CNTRL: variants seen among roughly 807,000 people sequenced by gnomAD.
CNTRL encodes centriolin.
A neutral mutation model predicts 303.7 loss-of-function variants in CNTRL; 233 were observed. The ratio of observed to expected loss-of-function variants is 0.77; its 90% confidence interval spans 0.69 to 0.86. CNTRL has a LOEUF of 0.86. Ranked by LOEUF, CNTRL falls within the 40% of genes least tolerant of loss-of-function variation. CNTRL has a pLI of 0.00. For missense variants in CNTRL, 2,524 were observed against 2,650.6 expected (o/e 0.95, Z 1.05); for synonymous variants, 900 against 922.2 (o/e 0.98, Z 0.44).
At chr9:121,122,260 T>C (rs1213956640) in intron 12 of CNTRL, 1 of 300,474 alleles carries the variant, frequency 3.3e-6, no homozygotes, top group African/African-American at 2.3e-5. Context: ...AGCTGTTATA[T>C]GTAGTTAACT....
rs149008787 is a variant in CNTRL at position 121,119,161 on chromosome 9, G to C, written c.1650+621G>C. On this transcript the variant is annotated intron_variant, in intron 12 of 43. Coordinates refer to ENST00000373855, the MANE Select transcript of CNTRL (RefSeq NM_007018.6). Reference sequence around the variant, plus strand: ...TCTAAAACAAAACAACCTAGGGCTTGAAGAAGGTAGCTTTCAGTAAATGAT... The same window carrying C: ...TCTAAAACAAAACAACCTAGGGCTTCAAGAAGGTAGCTTTCAGTAAATGAT... 1.4e-3 allele frequency among the ~76,000 whole-genome samples: 210 copies of C among 151,928 alleles called. 2 individuals carry two copies. Among genetic ancestry groups the C allele is most frequent in the African/African-American group, 4.7e-3 (193 of 41,440 alleles).
rs989599214 is a variant in CNTRL at position 121,155,086 on chromosome 9, A to G, written c.4365+173A>G. The G allele has an allele frequency of 5.4e-5, 33 of 608,746 alleles. No individual in the cohort carries two copies. The African/African-American group carries it at 5.9e-4, about 11-fold the overall frequency. 37.7% of individuals were successfully genotyped at this position (608,746 alleles called of 1,614,324 possible). On this transcript the variant is annotated intron_variant, in intron 27 of 43. Coordinates refer to ENST00000373855, the MANE Select transcript of CNTRL (RefSeq NM_007018.6). ...GAAGATGTGAGAATTTATGCAAGTCATATAAGTCCCCTGGCTTTGCTTTTC... is the reference window on the plus strand; with the variant it reads ...GAAGATGTGAGAATTTATGCAAGTCGTATAAGTCCCCTGGCTTTGCTTTTC...
chr9:121,166,269 C>T, intron 36 of CNTRL, 89 bp downstream of exon 36: 1 of 883,616 alleles, frequency 1.1e-6, no homozygotes, highest in South Asian at 1.7e-5. Flanking sequence ...TAGGCTGGTT[C>T]CTCTTCACAA....
At position 121,148,661 on chromosome 9, in the gene CNTRL, A is replaced by C; in HGVS notation, c.3460-11A>C. ...ATAATAGATAGTGTGCTCTGCTGTC[A>C]TTTGTTTTAGGTTTCCAGCCATAGT... is the stretch of plus-strand genomic sequence containing the variant. On this transcript the variant is annotated splice_polypyrimidine_tract_variant and intron_variant, in intron 23 of 43. Transcript: ENST00000373855. 6.2e-7 allele frequency: 1 copy of C among 1,608,710 alleles called. No individual in the cohort carries two copies. The highest frequency in any genetic ancestry group is 1.1e-5 in the South Asian group (1 of 90,666).
chr9:121,174,735 A>T (rs917410449), intron 42 of CNTRL, among the ~76,000 whole-genome samples: 3 of 152,224 alleles, frequency 2.0e-5, no homozygotes, highest in African/African-American at 7.2e-5. Flanking sequence ...AGATGAGGCA[A>T]TAATTTAATG....
chr9:121,096,333 C>T, intron 5 of CNTRL, 89 bp from the exon 6 acceptor site: 2 of 768,016 alleles, frequency 2.6e-6, no homozygotes, highest in Non-Finnish European at 3.7e-6. Flanking sequence ...AGTAATCTAA[C>T]ATGGAGCTAA....
chr9:121,151,037 G>T (rs1481007414), intron 25 of CNTRL, among the ~76,000 whole-genome samples: 1 of 152,164 alleles, frequency 6.6e-6, no homozygotes, highest in Non-Finnish European at 1.5e-5. Context: ...TAAGGTTTTG[G>T]TGGGGATTAT....
chr9:121,108,071 C>A, intron 8 of CNTRL, 76 bp downstream of exon 8: 1 of 955,842 alleles, frequency 1.0e-6, no homozygotes, highest in Non-Finnish European at 1.5e-6. Context: ...TCTAAAAATA[C>A]AACTTCCTGA....
chr9:121,146,295 T>C (rs1159790941), intron 23 of CNTRL, 39 bp downstream of exon 23: 2 of 1,572,096 alleles, frequency 1.3e-6, no homozygotes, highest in Non-Finnish European at 1.7e-6. Flanking sequence ...TACTGAATTT[T>C]CTTGAAGAAA....
chr9:121,169,981 T>G (rs1016356317), intron 39 of CNTRL, among the ~76,000 whole-genome samples, 165 bp downstream of exon 39: 3 of 152,208 alleles, frequency 2.0e-5, no homozygotes, highest in Non-Finnish European at 4.4e-5. Context: ...AAGTTGATGG[T>G]AAGTTTTACC....
chr9:121,086,996 A>G (rs1017913887), intron 2 of CNTRL, among the ~76,000 whole-genome samples: 1 of 152,174 alleles, frequency 6.6e-6, no homozygotes, highest in East Asian at 1.9e-4. Context: ...TCTGACTGCA[A>G]TGTAATGATG....
chr9:121,107,973 A>G lies in CNTRL; in HGVS notation c.980A>G (p.Asp327Gly). The change falls in exon 8 of 44, where the codon GAC becomes GGC. Residue 327 changes from aspartate (D) to glycine (G), a missense_variant. Transcript: ENST00000373855. ...QKQSCEELKS[D>G]LNTKNELLKQ... ...CAGAGCTGTGAGGAACTCAAGAGTG[A>G]CTTAAACACAAAAAATGAATTGGTA... is the stretch of plus-strand genomic sequence containing the variant. 6.3e-7 allele frequency: 1 copy of G among 1,578,800 alleles called. No individual in the cohort carries two copies. Among genetic ancestry groups the G allele is most frequent in the Non-Finnish European group, 8.6e-7 (1 of 1,168,518 alleles).
chr9:121,125,683 G>A (rs532040046), intron 13 of CNTRL, 33 bp from the exon 14 acceptor site: 1 of 1,577,890 alleles, frequency 6.3e-7, no homozygotes, highest in African/African-American at 1.3e-5. Flanking sequence ...ACTTTAAAAA[G>A]ATATATTATT....
intron 14 of CNTRL, among the ~76,000 whole-genome samples, chr9:121,129,201 A>G (rs1319317621): frequency 4.6e-5 from 7 of 152,134 alleles, no homozygotes; most frequent in African/African-American, 7.2e-5. Flanking sequence ...GCTTGATGGG[A>G]ATGGCATTGA....
chr9:121,166,701 G>C (rs1171207631), intron 36 of CNTRL, among the ~76,000 whole-genome samples: 1 of 152,156 alleles, frequency 6.6e-6, no homozygotes, highest in African/African-American at 2.4e-5. Context: ...CTTCAAACAA[G>C]TTCTAGACTT....
intron 8 of CNTRL, 102 bp from the exon 9 acceptor site, chr9:121,112,357 A>G (rs1400464741): frequency 2.1e-6 from 2 of 956,352 alleles, no homozygotes; most frequent in East Asian, 2.6e-5. Flanking sequence ...AAGTTTTTAA[A>G]CATATATGAT....
At chr9:121,082,438 C>T (rs1275794336) in intron 2 of CNTRL, among the ~76,000 whole-genome samples, 1 of 152,188 alleles carries the variant, frequency 6.6e-6, no homozygotes, top group African/African-American at 2.4e-5. Context: ...TACAGAGGCA[C>T]TTTCAGGCAA....
intron 1 of CNTRL, among the ~76,000 whole-genome samples, chr9:121,076,540 G>A (rs185416063): frequency 6.6e-6 from 1 of 152,224 alleles, no homozygotes; most frequent in Non-Finnish European, 1.5e-5. Context: ...GGTATTTTCT[G>A]GGGTGAAGAG....
At chr9:121,167,800 T>C in intron 37 of CNTRL, 123 bp downstream of exon 37, 1 of 815,174 alleles carries the variant, frequency 1.2e-6, no homozygotes, top group Non-Finnish European at 1.9e-6. Flanking sequence ...TTAACTGCCC[T>C]GTGTAGCCAT....
Sources: gnomAD v4.1 joint callset for allele counts (sites outside exome capture counted in the v4.1 genomes callset) on GRCh38, gnomAD v4.1.1 for gene constraint, MANE v1.5 for transcripts, NCBI Gene and HGNC (gene_info 2026-07-23, HGNC 2026-07-21) for gene names.